Variants in UHMK1 observed in about 807,000 individuals in gnomAD.
UHMK1 encodes U2AF homology motif kinase 1.
In UHMK1, 18 loss-of-function variants were observed where a neutral mutation model predicts 44.0. The ratio of observed to expected loss-of-function variants is 0.41; its 90% confidence interval spans 0.28 to 0.61. The LOEUF (loss-of-function observed/expected upper bound fraction) is 0.61, where lower values mean the gene tolerates loss of function less well. Ranked by LOEUF, UHMK1 falls within the 20% of genes least tolerant of loss-of-function variation. The probability of loss-of-function intolerance (pLI) is 0.31; values close to 1 mark genes in which losing one functional copy is unlikely to be tolerated. For missense variants in UHMK1, 463 were observed against 522.5 expected (o/e 0.89, Z 1.11); for synonymous variants, 231 against 198.5 (o/e 1.16, Z -1.38).
intron 6 of UHMK1, 39 bp downstream of exon 6, chr1:162,512,862 T>C (rs1651714729): frequency 6.4e-7 from 1 of 1,556,082 alleles, no homozygotes; most frequent in African/African-American, 1.4e-5. Context: ...GTGTCTTTCT[T>C]AAATAAGTCT....
intron 4 of UHMK1, among the ~76,000 whole-genome samples, chr1:162,506,423 G>A (rs1042202911): frequency 2.0e-5 from 3 of 152,018 alleles, no homozygotes; most frequent in Non-Finnish European, 2.9e-5. Flanking sequence ...ATAAAGCACA[G>A]ACACTAAAAA....
intron 4 of UHMK1, among the ~76,000 whole-genome samples, chr1:162,507,361 G>A (rs1460426021): frequency 2.0e-5 from 3 of 151,788 alleles, no homozygotes; most frequent in Admixed American, 6.6e-5. Context: ...CTCGTGATCC[G>A]CCTGCCTTGG....
chr1:162,518,391 A>C (rs568379265), intron 7 of UHMK1, among the ~76,000 whole-genome samples: 7 of 152,138 alleles, frequency 4.6e-5, no homozygotes, highest in Non-Finnish European at 1.0e-4. Flanking sequence ...TTAGCACTTA[A>C]AATTTTTTTT....
intron 4 of UHMK1, among the ~76,000 whole-genome samples, chr1:162,507,195 C>T (rs1386125472): frequency 1.3e-5 from 2 of 151,774 alleles, no homozygotes; most frequent in Non-Finnish European, 2.9e-5. Context: ...TCTCGGCTCA[C>T]TGCAACCTCT....
chr1:162,509,722 A>T lies in UHMK1; in HGVS notation c.849-2778A>T, dbSNP rs553150921. ...AGTGGCACGATCTCGGCTCACTGCAACCTCCGCCTCCCAGGTTCAAGTGAT... is the reference window on the plus strand; with the variant it reads ...AGTGGCACGATCTCGGCTCACTGCATCCTCCGCCTCCCAGGTTCAAGTGAT... On this transcript the variant is annotated intron_variant, in intron 4 of 7. Coordinates refer to ENST00000489294, the MANE Select transcript of UHMK1 (RefSeq NM_175866.5). 1.2e-4 allele frequency among the ~76,000 whole-genome samples: 19 copies of T among 152,228 alleles called. No homozygotes were observed. In the South Asian group the frequency reaches 3.7e-3, roughly 30 times the overall value.
chr1:162,514,165 T>C (rs1651759879), intron 6 of UHMK1, among the ~76,000 whole-genome samples: 1 of 152,074 alleles, frequency 6.6e-6, no homozygotes, highest in African/African-American at 2.4e-5. Context: ...GGCACATGCC[T>C]ATAATCCCAG....
In UHMK1 at chr1:162,514,459, A is replaced by G. The variant is rs925286812; in HGVS notation, c.1024+1636A>G. Among the ~76,000 whole-genome samples, 3 of 152,334 alleles carry G rather than the reference A, an allele frequency of 2.0e-5. No individual in the cohort carries two copies. The East Asian group carries it at 5.8e-4, about 29-fold the overall frequency. On this transcript the variant is annotated intron_variant, in intron 6 of 7. Coordinates refer to ENST00000489294, the MANE Select transcript of UHMK1 (RefSeq NM_175866.5). ...TGTGAAAATTAAATAATGTATAAACATTTCCTAGAACCATGCCTGGCAAAT... is the reference window on the plus strand; with the variant it reads ...TGTGAAAATTAAATAATGTATAAACGTTTCCTAGAACCATGCCTGGCAAAT...
chr1:162,518,078 A>G, intron 6 of UHMK1, 24 bp from the exon 7 acceptor site: 1 of 1,502,804 alleles, frequency 6.7e-7, no homozygotes, highest in Non-Finnish European at 9.3e-7. Context: ...CAGAGCAGTT[A>G]CTGTTATGTG....
intron 4 of UHMK1, among the ~76,000 whole-genome samples, chr1:162,511,002 C>A (rs1166099174): frequency 6.6e-6 from 1 of 151,672 alleles, no homozygotes; most frequent in Non-Finnish European, 1.5e-5. Flanking sequence ...TGAGGTGATA[C>A]CTCATTGTGG....
intron 4 of UHMK1, among the ~76,000 whole-genome samples, chr1:162,507,282 G>A (rs1322522692): frequency 6.6e-6 from 1 of 151,802 alleles, no homozygotes; most frequent in East Asian, 1.9e-4. Flanking sequence ...ACCATGCCTG[G>A]CTAATTTCTA....
intron 7 of UHMK1, among the ~76,000 whole-genome samples, chr1:162,522,137 T>C (rs1214220599): frequency 6.6e-6 from 1 of 152,230 alleles, no homozygotes; most frequent in Non-Finnish European, 1.5e-5. Context: ...ACACAACTTG[T>C]CCTTGAGAGA....
chr1:162,515,385 T>G (rs1165382849), intron 6 of UHMK1, among the ~76,000 whole-genome samples: 1 of 152,196 alleles, frequency 6.6e-6, no homozygotes, highest in Non-Finnish European at 1.5e-5. Flanking sequence ...ATTTTTCTAT[T>G]TAAAAATATC....
chr1:162,514,499 AAAT>A (rs34434004), intron 6 of UHMK1, among the ~76,000 whole-genome samples: 396 of 152,350 alleles, frequency 2.6e-3, no homozygotes, highest in African/African-American at 8.9e-3. Flanking sequence ...AACACTCAAC[AAAT>A]ATTACCTATT....
chr1:162,503,036 A>T (rs1192891210), intron 3 of UHMK1, among the ~76,000 whole-genome samples: 2 of 152,214 alleles, frequency 1.3e-5, no homozygotes, highest in Non-Finnish European at 2.9e-5. Flanking sequence ...GATTTAGAGA[A>T]TGAGTAATAT....
chr1:162,521,181 G>A (rs1652042994), intron 7 of UHMK1, among the ~76,000 whole-genome samples: 1 of 152,076 alleles, frequency 6.6e-6, no homozygotes, highest in Non-Finnish European at 1.5e-5. Flanking sequence ...GAAAAATAAT[G>A]AATGCATCTG....
At position 162,512,707 on chromosome 1, in the gene UHMK1, TATG is replaced by T; in HGVS notation, c.926-13_926-11del. On this transcript the variant is annotated splice_polypyrimidine_tract_variant and intron_variant, in intron 5 of 7. Transcript: ENST00000489294. Reference sequence around the variant, plus strand: ...TGGGGGGATTTACATTTAACCATATTATGATGAATTTTAACAGCCCCTCATATT... The same window carrying T: ...TGGGGGGATTTACATTTAACCATATTATGAATTTTAACAGCCCCTCATATT... 6.2e-7 allele frequency: 1 copy of T among 1,613,350 alleles called. No homozygotes were observed. Among genetic ancestry groups the T allele is most frequent in the Middle Eastern group, 1.7e-4 (1 of 6,052 alleles).
Position 162,498,189 on chromosome 1 carries a change from G to A in UHMK1, c.189G>A (p.Gly63=), listed in dbSNP as rs772776662. 2.5e-5 allele frequency: 41 copies of A among 1,613,038 alleles called. No homozygotes were observed. Among genetic ancestry groups the A allele is most frequent in the Non-Finnish European group, 3.5e-5 (41 of 1,179,344 alleles). Residue 63 remains glycine, a synonymous_variant, in exon 1 of 8, where the codon GGG becomes GGA. Coordinates refer to ENST00000489294, the MANE Select transcript of UHMK1 (RefSeq NM_175866.5). ...AGTTCTTGCCGCCAGGAACCACCGG[G>A]GCTGCGGCCTCTGCCGCCGAGTATG... is the stretch of plus-strand genomic sequence containing the variant. ...LKQFLPPGTT[G]AAASAAEYGF...
At chr1:162,515,174 TTA>T (rs1466691215) in intron 6 of UHMK1, among the ~76,000 whole-genome samples, 1 of 152,156 alleles carries the variant, frequency 6.6e-6, no homozygotes, top group Non-Finnish European at 1.5e-5. Context: ...AAGCTTTATT[TTA>T]TGTTTCCTTT....
chr1:162,505,345 A>G, intron 4 of UHMK1, among the ~76,000 whole-genome samples: 1 of 152,126 alleles, frequency 6.6e-6, no homozygotes, highest in East Asian at 1.9e-4. Context: ...AATACCTCAC[A>G]AAGGACCTGC....
Sources: allele counts gnomAD v4.1 joint callset (sites outside exome capture counted in the v4.1 genomes callset), GRCh38; gene constraint gnomAD v4.1.1; transcripts MANE v1.5; gene names NCBI Gene and HGNC (gene_info 2026-07-23, HGNC 2026-07-21).